Variants in MICAL2 observed in about 807,000 individuals in gnomAD.
The protein encoded by MICAL2 is microtubule associated monooxygenase, calponin and LIM domain containing 2, also known as [F-actin]-monooxygenase MICAL2.
A neutral mutation model predicts 127.3 loss-of-function variants in MICAL2; 77 were observed. The observed-to-expected ratio is 0.60, with a 90% CI of 0.50 to 0.73. The LOEUF (loss-of-function observed/expected upper bound fraction) is 0.73, where lower values mean the gene tolerates loss of function less well. MICAL2 is among the 30% of genes least tolerant of loss of function. The probability of loss-of-function intolerance (pLI) is 0.00; values close to 1 mark genes in which losing one functional copy is unlikely to be tolerated. For synonymous variants in MICAL2, 570 were observed against 551.1 expected, an observed-to-expected ratio of 1.03 and a Z score of -0.48; for missense variants, 1,351 against 1,434.4, an observed-to-expected ratio of 0.94 and a Z score of 0.94.
chr11:12,296,456 ATT>A (rs1863986521), downstream of MICAL2, among the ~76,000 whole-genome samples: 3 of 151,044 alleles, frequency 2.0e-5, no homozygotes, highest in African/African-American at 7.3e-5. Context: ...TTAATAAACT[ATT>A]AAACTTTAGT....
chr11:12,336,207 T>G (rs1330634947), intron 32 of MICAL2, among the ~76,000 whole-genome samples: 4 of 152,292 alleles, frequency 2.6e-5, no homozygotes, highest in Admixed American at 1.3e-4. Context: ...TTTATTCTCT[T>G]TGAGGAAGTT....
Position 12,220,808 on chromosome 11 carries a change from G to A in MICAL2, c.1206+350G>A, listed in dbSNP as rs16910803. Among the ~76,000 whole-genome samples, 671 of 152,330 alleles carry A rather than the reference G, an allele frequency of 4.4e-3. 4 individuals carry two copies. Among genetic ancestry groups the A allele is most frequent in the African/African-American group, 0.015 (620 of 41,574 alleles). On this transcript the variant is annotated intron_variant, in intron 9 of 27. Transcript: ENST00000683283. ...GCCGAGACTTCTTCCTCATGTGGGC[G>A]GCCCTTTGTGGCCTTTGAGATCACA...
chr11:12,136,015 G>A (rs530624255), intron 1 of MICAL2, among the ~76,000 whole-genome samples: 1 of 152,164 alleles, frequency 6.6e-6, no homozygotes, highest in Non-Finnish European at 1.5e-5. Flanking sequence ...CCCTGTCCAA[G>A]TGCTGGGGTC....
chr11:12,151,821 G>T (rs565358394), intron 2 of MICAL2, among the ~76,000 whole-genome samples: 83 of 152,174 alleles, frequency 5.5e-4, no homozygotes, highest in Non-Finnish European at 1.0e-3. Flanking sequence ...AAGGGTCCAG[G>T]AGGAAGGAGC....
intron 1 of MICAL2, chr11:12,121,453 A>G (rs1850501779): frequency 6.5e-6 from 1 of 152,738 alleles, no homozygotes; most frequent in Non-Finnish European, 1.5e-5. Flanking sequence ...AGCGGCTGTC[A>G]GAGCATTTGT....
At chr11:12,260,469 T>A in intron 26 of MICAL2, 1 of 1,129,974 alleles carries the variant, frequency 8.8e-7, no homozygotes, top group Non-Finnish European at 1.1e-6. Context: ...TTTTTTTCTA[T>A]GAGTGTCAAT....
At chr11:12,203,812 T>A (rs373342745) in intron 3 of MICAL2, among the ~76,000 whole-genome samples, 1 of 152,380 alleles carries the variant, frequency 6.6e-6, no homozygotes, top group East Asian at 1.9e-4. Context: ...TTTCCTGTTA[T>A]ATCTAAGACA....
At chr11:12,145,759 T>C (rs1281496107) in intron 2 of MICAL2, among the ~76,000 whole-genome samples, 1 of 152,188 alleles carries the variant, frequency 6.6e-6, no homozygotes, top group East Asian at 1.9e-4. Flanking sequence ...CTGAATGCAG[T>C]GTATAGGCTC....
intron 15 of MICAL2, among the ~76,000 whole-genome samples, chr11:12,234,012 C>A (rs921065587): frequency 6.9e-4 from 105 of 152,294 alleles, no homozygotes; most frequent in African/African-American, 2.3e-3. Context: ...TGTTGCTAAC[C>A]TTTCCATAGA....
intron 1 of MICAL2, among the ~76,000 whole-genome samples, chr11:12,279,201 C>T (rs1237316206): frequency 6.6e-6 from 1 of 152,134 alleles, no homozygotes; most frequent in Non-Finnish European, 1.5e-5. Context: ...GGGTTTGGTT[C>T]TCTGCATCAG....
intron 21 of MICAL2, among the ~76,000 whole-genome samples, chr11:12,247,947 T>C (rs377497000): frequency 1.3e-5 from 2 of 152,218 alleles, no homozygotes; most frequent in East Asian, 3.8e-4. Context: ...ACTTGGAAAC[T>C]GATGCTTAGT....
chr11:12,155,390 CACAT>C (rs781778871), intron 2 of MICAL2, among the ~76,000 whole-genome samples: 7 of 152,192 alleles, frequency 4.6e-5, no homozygotes, highest in Admixed American at 6.5e-5. Flanking sequence ...CACATGAATA[CACAT>C]ACATATGTGC....
intron 3 of MICAL2, among the ~76,000 whole-genome samples, chr11:12,173,625 A>G (rs1033299685): frequency 2.0e-5 from 3 of 152,236 alleles, no homozygotes; most frequent in African/African-American, 4.8e-5. Flanking sequence ...ACGTACAACC[A>G]TCACCGCTTC....
At chr11:12,201,104 A>G (rs1860664245) in intron 3 of MICAL2, among the ~76,000 whole-genome samples, 1 of 152,076 alleles carries the variant, frequency 6.6e-6, no homozygotes, top group Admixed American at 6.5e-5. Flanking sequence ...AGTGAGATAA[A>G]GAGCAGTGCT....
chr11:12,139,049 C>G (rs1852097155), intron 2 of MICAL2, among the ~76,000 whole-genome samples: 1 of 152,094 alleles, frequency 6.6e-6, no homozygotes, highest in South Asian at 2.1e-4. Context: ...TTTCTGTAAC[C>G]TTATAATTAG....
chr11:12,161,529 T>C (rs1854789700), intron 2 of MICAL2: 1 of 153,016 alleles, frequency 6.5e-6, no homozygotes, highest in East Asian at 1.9e-4. Context: ...AGCCCTGCTC[T>C]CTGGTAACGA....
chr11:12,356,726 C>A (rs1156683040), intron 34 of MICAL2, among the ~76,000 whole-genome samples: 1 of 152,188 alleles, frequency 6.6e-6, no homozygotes, highest in African/African-American at 2.4e-5. Flanking sequence ...ATGGGGGAAC[C>A]CTGTGGCAGG....
intron 16 of MICAL2, among the ~76,000 whole-genome samples, chr11:12,236,478 C>T (rs992556231): frequency 2.0e-5 from 3 of 152,170 alleles, no homozygotes; most frequent in Non-Finnish European, 2.9e-5. Flanking sequence ...ATGTCTGTAA[C>T]GTGCAATGAT....
In MICAL2 at chr11:12,255,247, T is replaced by G. The variant is rs116302876; in HGVS notation, c.2848-396T>G. On this transcript the variant is annotated intron_variant, in intron 22 of 27. Coordinates refer to ENST00000683283, the MANE Select transcript of MICAL2 (RefSeq NM_001282663.2). ...TTAACCATTTTTTAAGGGTACGGTT[T>G]AGTGGTATTAAATACATCCTTCGTG... is the stretch of plus-strand genomic sequence containing the variant. 4.9e-3 allele frequency: 1,046 copies of G among 211,636 alleles called. 12 individuals carry two copies. Among genetic ancestry groups the G allele is most frequent in the African/African-American group, 0.022 (965 of 44,406 alleles). The allele number at this position is 211,636 out of a possible 1,614,324, so 13.1% of individuals were successfully genotyped here.
Sources: gnomAD v4.1 joint callset for allele counts (sites outside exome capture counted in the v4.1 genomes callset) on GRCh38, gnomAD v4.1.1 for gene constraint, MANE v1.5 for transcripts, NCBI Gene and HGNC (gene_info 2026-07-23, HGNC 2026-07-21) for gene names.